The following RANBP2 variants were observed in gnomAD, a reference collection of about 807,000 sequenced individuals.
The protein encoded by RANBP2 is E3 SUMO-protein ligase RanBP2.
RANBP2 carries 57 observed loss-of-function variants against 303.6 expected under a neutral mutation model. That is an observed-to-expected ratio of 0.19 (90% CI 0.15 to 0.23). The LOEUF (loss-of-function observed/expected upper bound fraction) is 0.23. Ranked by LOEUF, RANBP2 falls within the 10% of genes least tolerant of loss-of-function variation. The probability of loss-of-function intolerance (pLI) is 1.00; values close to 1 mark genes in which losing one functional copy is unlikely to be tolerated. For missense variants in RANBP2, 3,138 were observed against 3,780.8 expected (o/e 0.83, Z 4.46); for synonymous variants, 1,167 against 1,301.5 (o/e 0.90, Z 2.23).
chr2:109,223,252 G>T, the RANBP2 span, among the ~76,000 whole-genome samples: 1 of 152,178 alleles, frequency 6.6e-6, no homozygotes, highest in Non-Finnish European at 1.5e-5. Flanking sequence ...CCAGGAGTTG[G>T]CTGTTACCAG....
the RANBP2 span, among the ~76,000 whole-genome samples, chr2:109,431,229 A>T: frequency 3.3e-5 from 5 of 152,182 alleles, no homozygotes; most frequent in Admixed American, 3.3e-4. Context: ...AAGCCGCTGG[A>T]TAGGGTCAGC....
At chr2:108,929,072 GCCA>G in the RANBP2 span, 2 of 1,129,078 alleles carry the variant, frequency 1.8e-6, no homozygotes, top group Non-Finnish European at 2.6e-6. Flanking sequence ...TGGGACCAAG[GCCA>G]GGTGTGCGGC....
At chr2:109,494,399 C>T in the RANBP2 span, among the ~76,000 whole-genome samples, 1 of 152,180 alleles carries the variant, frequency 6.6e-6, no homozygotes, top group African/African-American at 2.4e-5. Context: ...TGCCCCCTCC[C>T]CTCAACATGG....
chr2:109,646,657 A>ATTTTTTTTTTTT, the RANBP2 span, among the ~76,000 whole-genome samples: 7 of 119,000 alleles, frequency 5.9e-5, no homozygotes, highest in Admixed American at 9.2e-5. Flanking sequence ...ATGACTGGCT[A>ATTTTTTTTTTTT]TTTTTTTTTT....
chr2:108,849,956 G>C, the RANBP2 span, among the ~76,000 whole-genome samples: 3 of 152,198 alleles, frequency 2.0e-5, no homozygotes, highest in African/African-American at 7.2e-5. Flanking sequence ...CACAAGACCT[G>C]GGGCTAGGAG....
chr2:109,041,585 C>T, the RANBP2 span, among the ~76,000 whole-genome samples: 511 of 147,060 alleles, frequency 3.5e-3, 4 homozygotes, highest in African/African-American at 0.012. Flanking sequence ...TGCAGTGGCT[C>T]GATCTTGGCT....
intron 1 of RANBP2, among the ~76,000 whole-genome samples, chr2:108,725,418 T>C (rs550241800): frequency 1.0e-3 from 152 of 152,296 alleles, no homozygotes; most frequent in African/African-American, 3.4e-3. Flanking sequence ...ATGGAATTAT[T>C]TTTCTATTAT....
At chr2:109,339,787 C>A in the RANBP2 span, among the ~76,000 whole-genome samples, 2 of 152,186 alleles carry the variant, frequency 1.3e-5, no homozygotes, top group Non-Finnish European at 2.9e-5. Flanking sequence ...AGGAAGTGAG[C>A]AATGCATCTC....
the RANBP2 span, chr2:109,419,653 C>T: frequency 2.6e-6 from 4 of 1,563,568 alleles, no homozygotes; most frequent in East Asian, 2.4e-5. Context: ...GTGAGCTGCC[C>T]TTTGTGTCTG....
the RANBP2 span, among the ~76,000 whole-genome samples, chr2:108,856,214 C>G: frequency 6.6e-6 from 1 of 152,118 alleles, no homozygotes; most frequent in Non-Finnish European, 1.5e-5. Context: ...GTTGTCACAG[C>G]ACTGGCCTGG....
chr2:108,957,296 C>T, the RANBP2 span, among the ~76,000 whole-genome samples: 151 of 152,314 alleles, frequency 9.9e-4, 1 homozygote, highest in African/African-American at 3.3e-3. Flanking sequence ...GAAACAGCAA[C>T]GCCTCTTGTT....
the RANBP2 span, among the ~76,000 whole-genome samples, chr2:109,178,491 A>T: frequency 6.6e-6 from 1 of 152,208 alleles, no homozygotes; most frequent in African/African-American, 2.4e-5. Context: ...GATAGTTTAT[A>T]TTCTCTAACT....
At chr2:109,118,302 C>T in the RANBP2 span, among the ~76,000 whole-genome samples, 1 of 152,070 alleles carries the variant, frequency 6.6e-6, no homozygotes, top group Non-Finnish European at 1.5e-5. Context: ...ATAAATGCTG[C>T]TCCTGTTCTG....
At chr2:109,306,905 G>A in the RANBP2 span, among the ~76,000 whole-genome samples, 45,920 of 151,810 alleles carry the variant, frequency 0.3, 8,351 homozygotes, top group African/African-American at 0.52. Flanking sequence ...CGGTAGGGCC[G>A]CGGCATGCAT....
the RANBP2 span, among the ~76,000 whole-genome samples, chr2:109,455,120 GC>G: frequency 6.6e-6 from 1 of 152,202 alleles, no homozygotes; most frequent in African/African-American, 2.4e-5. Context: ...GCATGGGAAT[GC>G]TGGCCTCCTG....
chr2:109,713,374 C>T, the RANBP2 span, among the ~76,000 whole-genome samples: 2 of 152,096 alleles, frequency 1.3e-5, no homozygotes, highest in African/African-American at 2.4e-5. Context: ...CCACAAAGGA[C>T]AGCCTTGATT....
chr2:108,933,375 C>T, the RANBP2 span, among the ~76,000 whole-genome samples: 2 of 152,116 alleles, frequency 1.3e-5, no homozygotes, highest in African/African-American at 4.8e-5. Flanking sequence ...AAGGAAAAAG[C>T]GTGTGTCCCT....
At chr2:109,378,009 C>T in the RANBP2 span, among the ~76,000 whole-genome samples, 8 of 152,210 alleles carry the variant, frequency 5.3e-5, no homozygotes, top group South Asian at 4.1e-4. Context: ...GCAGCTCCGC[C>T]GTGTTGGATT....
chr2:109,250,294 T>C, the RANBP2 span, among the ~76,000 whole-genome samples: 2 of 152,112 alleles, frequency 1.3e-5, no homozygotes, highest in African/African-American at 4.8e-5. Context: ...ATCTCGCCCA[T>C]TGCTGGTTGG....
Sources: gnomAD v4.1 joint callset for allele counts (sites outside exome capture counted in the v4.1 genomes callset) on GRCh38, gnomAD v4.1.1 for gene constraint, MANE v1.5 for transcripts, NCBI Gene and HGNC (gene_info 2026-07-23, HGNC 2026-07-21) for gene names.